The following PKD1 variants were observed in gnomAD, a reference collection of about 807,000 sequenced individuals.
PKD1 encodes the protein polycystin 1, transient receptor potential channel interacting, also known as polycystin-1.
In PKD1, 81 loss-of-function variants were observed where a neutral mutation model predicts 361.7. The observed-to-expected ratio is 0.22, with a 90% CI of 0.19 to 0.27. The LOEUF (loss-of-function observed/expected upper bound fraction) is 0.27. Ranked by LOEUF, PKD1 falls within the 10% of genes least tolerant of loss-of-function variation. The pLI, the probability that PKD1 is intolerant of heterozygous loss-of-function variation, is 1.00. For synonymous variants in PKD1, 3,615 were observed against 2,818.3 expected, an observed-to-expected ratio of 1.28 and a Z score of -8.95; for missense variants, 6,399 against 6,118.3, an observed-to-expected ratio of 1.05 and a Z score of -1.53.
Position 2,100,635 on chromosome 16 carries a change from C to T in PKD1, c.9398-69G>A. 7.2e-7 allele frequency: 1 copy of T among 1,380,472 alleles called. No individual in the cohort carries two copies. 85.5% of individuals were successfully genotyped at this position (1,380,472 alleles called of 1,614,324 possible). A position where few individuals can be genotyped will look rare whatever the true frequency, so the allele number is the denominator to read the frequency against. On this transcript the variant is annotated intron_variant, in intron 26 of 45. Coordinates refer to ENST00000262304, the MANE Select transcript of PKD1 (RefSeq NM_001009944.3). This position sits in a 1 kb window ranked among gnomAD's most constrained non-coding sequence, Gnocchi z 4.4. Reference sequence around the variant, plus strand: ...AACACGTGTGGCATCCCAGGCAAGTCATCTCAGCTTTGGCCTGTGCGCACT... The same window carrying T: ...AACACGTGTGGCATCCCAGGCAAGTTATCTCAGCTTTGGCCTGTGCGCACT...
Position 2,118,621 on chromosome 16 carries a change from C to T in PKD1, c.529+55G>A. 1 of 913,042 alleles carries T rather than the reference C, an allele frequency of 1.1e-6. No individual in the cohort carries two copies. Among genetic ancestry groups the T allele is most frequent in the South Asian group, 1.4e-5 (1 of 71,746 alleles). The allele number at this position is 913,042 out of a possible 1,614,324, so 56.6% of individuals were successfully genotyped here. ...TGAGCCCTGCCCAGTGTCTGCAGGGCCCAGGTCCCACCTGGCTGGGAAGGA... is the reference window on the plus strand; with the variant it reads ...TGAGCCCTGCCCAGTGTCTGCAGGGTCCAGGTCCCACCTGGCTGGGAAGGA... On this transcript the variant is annotated intron_variant, in intron 4 of 45. Coordinates refer to ENST00000262304, the MANE Select transcript of PKD1 (RefSeq NM_001009944.3). This position sits in a 1 kb window ranked among gnomAD's most constrained non-coding sequence, Gnocchi z 6.0.
In PKD1 at chr16:2,093,656, G is replaced by T. The variant is rs748561600; in HGVS notation, c.10904C>A (p.Ala3635Asp). 5.0e-5 allele frequency: 81 copies of T among 1,608,116 alleles called. 1 individual carries two copies. In the East Asian group the frequency reaches 1.8e-3, roughly 35 times the overall value. The change falls in exon 37 of 46, where the codon GCT becomes GAT. Residue 3635 changes from alanine to aspartate, a missense_variant. Physicochemically the swap from Ala to Asp is moderately radical, Grantham distance 126. Coordinates refer to ENST00000262304, the MANE Select transcript of PKD1 (RefSeq NM_001009944.3). ...DEDDTLVESP[A>D]VTPVSARVPR... The stretch of plus-strand genomic sequence containing the variant: ...CACACGTGCGCTCACAGGCGTCACA[G>T]CCGGGCTCTCTACCAGGGTGTCATC...
intron 10 of PKD1, 99 bp from the exon 11 acceptor site, chr16:2,115,024 G>C: frequency 6.6e-7 from 1 of 1,513,144 alleles, no homozygotes; most frequent in Admixed American, 2.0e-5. Context: ...TCCCCGCTTC[G>C]TCAGCCACAC....
rs552962835 is a variant in PKD1 at position 2,099,682 on chromosome 16, G to A, written c.10012C>T (p.Leu3338=). The A allele has an allele frequency of 3.3e-5, 53 of 1,594,738 alleles. No homozygotes were observed. The South Asian group carries it at 5.5e-4, about 17-fold the overall frequency. Residue 3338 remains leucine (L), a synonymous_variant, in exon 30 of 46, where the codon CTG becomes TTG. Transcript: ENST00000262304. The part of the protein sequence containing the change: ...VSSVVVYPVY[L]AILFLFRMSR... The stretch of plus-strand genomic sequence containing the variant: ...ATCCGGAAGAGAAAAAGGATGGCCA[G>A]GTAGACGGGATAGACAACCACGCTG...
At chr16:2,115,289 T>A in intron 10 of PKD1, 89 bp downstream of exon 10, 2 of 1,313,402 alleles carry the variant, frequency 1.5e-6, no homozygotes, top group East Asian at 2.5e-5. Context: ...AGGCTGGGTG[T>A]GTCTGGTGCA....
chr16:2,128,752 T>C (rs1031546651), intron 1 of PKD1, among the ~76,000 whole-genome samples: 5 of 152,150 alleles, frequency 3.3e-5, no homozygotes, highest in Non-Finnish European at 7.4e-5. Flanking sequence ...TCTCCCAGGC[T>C]GGAGTGCAAT....
chr16:2,104,211 A>AAGGGGGAAAGGGAGGGGAAGGGGGATG (rs1555451560), intron 22 of PKD1, among the ~76,000 whole-genome samples: 1 of 16,660 alleles, frequency 6.0e-5, no homozygotes, highest in African/African-American at 5.6e-4. Flanking sequence ...AAGGGAGGGG[A>AAGGGGGAAAGGGAGGGGAAGGGGGATG]AGGGGGATGA....
chr16:2,131,680 G>A (rs534578217), intron 1 of PKD1, among the ~76,000 whole-genome samples: 7 of 151,428 alleles, frequency 4.6e-5, no homozygotes, highest in South Asian at 2.1e-4. Flanking sequence ...AAAATTAGCC[G>A]GGCGTGGTGG....
intron 1 of PKD1, among the ~76,000 whole-genome samples, chr16:2,127,068 G>A (rs926753322): frequency 2.2e-4 from 34 of 152,064 alleles, no homozygotes; most frequent in Middle Eastern, 6.3e-3. Flanking sequence ...ACAGAAAGCC[G>A]GGAAGGGGGA....
rs2091400377 is a variant in PKD1, at chr16:2,090,007, T to G, written c.12632A>C (p.Glu4211Ala). Residue 4211 changes from glutamate (E) to alanine (A), a missense_variant, in exon 46 of 46, where the codon GAG becomes GCG. By Grantham distance (107) the Glu-to-Ala change is moderately radical (BLOSUM62 -1). Coordinates refer to ENST00000262304, the MANE Select transcript of PKD1 (RefSeq NM_001009944.3). ...LGRLGTRCEP[E>A]PSRLQAVFEA... ...GAACACGGCTTGGAGGCGGGAGGGC[T>G]CAGGCTCACACCTTGTCCCCAGCCG... The G allele has an allele frequency of 6.2e-7, 1 of 1,609,784 alleles. No individual in the cohort carries two copies. The highest frequency in any genetic ancestry group is 8.5e-7 in the Non-Finnish European group (1 of 1,178,982).
At position 2,117,381 on chromosome 16, in the gene PKD1, C is replaced by G. The variant is rs11643588; in HGVS notation, c.1385+108G>C. ...GCCGGCGCCACCTGCTCACCAGGGC[C>G]GGCCCAGCTCCCACCTCCTTCCTCC... On this transcript the variant is annotated intron_variant, in intron 6 of 45. Coordinates refer to ENST00000262304, the MANE Select transcript of PKD1 (RefSeq NM_001009944.3). 6.1e-3 allele frequency: 4,975 copies of G among 820,752 alleles called. 24 individuals carry two copies. The highest frequency in any genetic ancestry group is 7.8e-3 in the Non-Finnish European group (4,115 of 527,992). 50.8% of individuals were successfully genotyped at this position (820,752 alleles called of 1,614,324 possible).
In PKD1 at chr16:2,109,257, G is replaced by C; in HGVS notation, c.5910C>G (p.Ala1970=). 2 of 1,585,384 alleles carry C rather than the reference G, an allele frequency of 1.3e-6. No homozygotes were observed. Among genetic ancestry groups the C allele is most frequent in the Non-Finnish European group, 1.7e-6 (2 of 1,165,754 alleles). ...QAQVRIVVLE[A]VSGLQVPNCC... is the part of the protein sequence containing the mutation. Reference sequence around the variant, plus strand: ...AGTTGGGCACCTGCAGCCCACTCACGGCCTCCAGCACCACGATGCGCACCT... The same window carrying C: ...AGTTGGGCACCTGCAGCCCACTCACCGCCTCCAGCACCACGATGCGCACCT... Residue 1970 remains alanine, a synonymous_variant, in exon 15 of 46, where the codon GCC becomes GCG. Coordinates refer to ENST00000262304, the MANE Select transcript of PKD1 (RefSeq NM_001009944.3).
rs555703777 is a variant in PKD1 at position 2,093,103 on chromosome 16, G to T, written c.11017-10C>A. ...TGTACACCAGGAGGCTCTGGTGGACGGGGGGGCCCTGTGGTCAGCCTGGCC... is the reference window on the plus strand; with the variant it reads ...TGTACACCAGGAGGCTCTGGTGGACTGGGGGGCCCTGTGGTCAGCCTGGCC... On this transcript the variant is annotated splice_polypyrimidine_tract_variant and intron_variant, in intron 37 of 45. Transcript: ENST00000262304. The T allele has an allele frequency of 6.2e-7, 1 of 1,610,450 alleles. No individual in the cohort carries two copies. The highest frequency in any genetic ancestry group is 8.5e-7 in the Non-Finnish European group (1 of 1,178,604).
At position 2,111,453 on chromosome 16, in the gene PKD1, G is replaced by A. The variant is rs769745056; in HGVS notation, c.3714C>T (p.Gly1238=). The stretch of plus-strand genomic sequence containing the variant: ...TGTCGAAGGTCCACGTGATGTTGTC[G>A]CCCGTCTGCACCGCGGCGCTGACCA... ...PVVVSAAVQT[G]DNITWTFDMG... The change falls in exon 15 of 46, where the codon GGC becomes GGT. Residue 1238 remains glycine, a synonymous_variant. Coordinates refer to ENST00000262304, the MANE Select transcript of PKD1 (RefSeq NM_001009944.3). The A allele has an allele frequency of 4.2e-5, 67 of 1,611,626 alleles. No homozygotes were observed. The highest frequency in any genetic ancestry group is 2.9e-4 in the East Asian group (13 of 44,870).
rs763121376 is a variant in PKD1, at chr16:2,091,514, G to A, written c.11621C>T (p.Pro3874Leu). ...GGCGGCCAGGGCGCGGCCGGCCGCC[G>A]GGAACTCGAGGCGCAGCGTGACGGC... ...HAAVTLRLEF[P>L]AAGRALAALS... is the part of the protein sequence containing the mutation. Residue 3874 changes from proline (P) to leucine (L), a missense_variant, in exon 42 of 46, where the codon CCG becomes CTG. Physicochemically the swap from Pro to Leu is moderately conservative, Grantham distance 98. Coordinates refer to ENST00000262304, the MANE Select transcript of PKD1 (RefSeq NM_001009944.3). 8 of 1,456,710 alleles carry A rather than the reference G, an allele frequency of 5.5e-6. No homozygotes were observed. Among genetic ancestry groups the A allele is most frequent in the African/African-American group, 1.5e-5 (1 of 66,630 alleles). 90.2% of individuals were successfully genotyped at this position (1,456,710 alleles called of 1,614,324 possible). A position where few individuals can be genotyped will look rare whatever the true frequency, so the allele number is the denominator to read the frequency against.
chr16:2,104,502 G>A lies in PKD1; in HGVS notation c.8157C>T (p.Ile2719=). The A allele has an allele frequency of 1.3e-6, 2 of 1,525,614 alleles. No homozygotes were observed. The highest frequency in any genetic ancestry group is 1.2e-5 in the South Asian group (1 of 84,422). 94.5% of individuals were successfully genotyped at this position (1,525,614 alleles called of 1,614,324 possible). Reference sequence around the variant, plus strand: ...ATGGGGCACGGGCCGCGGCACCTGTGATGTTGAGGATGCTGTCTCCGATGG... The same window carrying A: ...ATGGGGCACGGGCCGCGGCACCTGTAATGTTGAGGATGCTGTCTCCGATGG... ...PTAIGDSILN[I]TGDLIHLASS... The change falls in exon 22 of 46, where the codon ATC becomes ATT. Residue 2719 remains isoleucine, a synonymous_variant. Coordinates refer to ENST00000262304, the MANE Select transcript of PKD1 (RefSeq NM_001009944.3).
chr16:2,094,301 G>A lies in PKD1; in HGVS notation c.10500-91C>T, dbSNP rs1050848754. 49 of 801,016 alleles carry A rather than the reference G, an allele frequency of 6.1e-5. No homozygotes were observed. In the Admixed American group the frequency reaches 9.1e-4, roughly 15 times the overall value. The allele number at this position is 801,016 out of a possible 1,614,324, so 49.6% of individuals were successfully genotyped here. The stretch of plus-strand genomic sequence containing the variant: ...TTAACCTGGGCGGGCAGTTTCTTGA[G>A]CCTCTTGGGTCACAGGGTCCCCCCG... On this transcript the variant is annotated intron_variant, in intron 34 of 45. Transcript: ENST00000262304.
intron 20 of PKD1, 97 bp downstream of exon 20, chr16:2,105,768 C>G: frequency 7.1e-7 from 1 of 1,407,246 alleles, no homozygotes; most frequent in South Asian, 1.2e-5. Context: ...CTCTGGGGCC[C>G]GGGATGAGCC....
At chr16:2,092,336 C>T (rs2151700940) in intron 39 of PKD1, 144 bp downstream of exon 39, 1 of 1,016,346 alleles carries the variant, frequency 9.8e-7, no homozygotes, top group South Asian at 1.5e-5. Context: ...GTTACCATCT[C>T]TCATATACAG....
Sources: gnomAD v4.1 joint callset for allele counts (sites outside exome capture counted in the v4.1 genomes callset) on GRCh38, gnomAD v4.1.1 for gene constraint, Gnocchi (gnomAD v3.1) non-coding constraint, MANE v1.5 for transcripts, NCBI Gene and HGNC (gene_info 2026-07-23, HGNC 2026-07-21) for gene names.